Variants in ZNF730 observed in about 807,000 individuals in gnomAD.
ZNF730 encodes zinc finger protein 730.
ZNF730 carries 12 observed loss-of-function variants against 12.6 expected under a neutral mutation model. That is an observed-to-expected ratio of 0.95 (90% confidence interval 0.61 to 1.54). ZNF730 has a LOEUF of 1.54. Among genes scored for constraint, ZNF730 ranks in the 40% most tolerant of loss-of-function variants. The pLI is 0.00. For synonymous variants in ZNF730, 194 were observed against 195.8 expected, an observed-to-expected ratio of 0.99 and a Z score of 0.08; for missense variants, 643 against 583.5, an observed-to-expected ratio of 1.10 and a Z score of -1.05.
At chr19:23,132,466 T>A (rs184891833) in intron 1 of ZNF730, among the ~76,000 whole-genome samples, 3 of 152,000 alleles carry the variant, frequency 2.0e-5, no homozygotes, top group Non-Finnish European at 4.4e-5. Flanking sequence ...AAAATTCTTA[T>A]AATAGTCAAG....
At chr19:23,133,125 G>A (rs10412285) in intron 1 of ZNF730, among the ~76,000 whole-genome samples, 45,651 of 152,028 alleles carry the variant, frequency 0.3, 7,710 homozygotes, top group African/African-American at 0.46. Context: ...TGCAGCTGAT[G>A]TGCAGAAACC....
chr19:23,139,458 A>G (rs971338356), intron 3 of ZNF730, among the ~76,000 whole-genome samples: 1 of 152,176 alleles, frequency 6.6e-6, no homozygotes, highest in Non-Finnish European at 1.5e-5. Flanking sequence ...GATTCAAAAT[A>G]CCTTTCCTCC....
intron 3 of ZNF730, among the ~76,000 whole-genome samples, chr19:23,139,805 G>A (rs190232362): frequency 1.5e-4 from 23 of 152,204 alleles, no homozygotes; most frequent in South Asian, 2.1e-4. Context: ...GATTACAGAC[G>A]TGAGCCACTG....
chr19:23,079,307 G>A (rs1364331598), intron 1 of ZNF730, among the ~76,000 whole-genome samples: 3 of 151,968 alleles, frequency 2.0e-5, no homozygotes, highest in Non-Finnish European at 4.4e-5. Context: ...ACAGGCATGC[G>A]CCACCACGCC....
intron 1 of ZNF730, chr19:23,127,963 C>A: frequency 1.4e-6 from 1 of 724,600 alleles, no homozygotes; most frequent in South Asian, 1.4e-5. Flanking sequence ...TACTGGCCTG[C>A]TGCTGGCCTG....
chr19:23,116,325 T>TTTTCTTTTCTTTTCTTTTCTTTTC (rs755848287), upstream of ZNF730, among the ~76,000 whole-genome samples: 34 of 21,316 alleles, frequency 1.6e-3, no homozygotes, highest in African/African-American at 2.8e-3. Context: ...TTTTCTTTTC[T>TTTTCTTTTCTTTTCTTTTCTTTTC]TTCTTTCTTT....
chr19:23,136,413 TA>T lies in ZNF730; in HGVS notation c.226+371del, dbSNP rs1404054507. ...TTGAACTATTTTTATTTTATTTATT[TA>T]TTTTTTTTGAGACGGAGTCTTGCAC... On this transcript the variant is annotated intron_variant, in intron 3 of 3. Transcript: ENST00000597761. Among the ~76,000 whole-genome samples the T allele has an allele frequency of 3.9e-5, 6 of 152,130 alleles. No individual in the cohort carries two copies. In the East Asian group the frequency reaches 1.2e-3, roughly 29 times the overall value.
intron 1 of ZNF730, among the ~76,000 whole-genome samples, chr19:23,122,808 TG>T (rs1438011999): frequency 6.6e-6 from 1 of 152,156 alleles, no homozygotes; most frequent in African/African-American, 2.4e-5. Context: ...ATTTTAATAT[TG>T]TTATTTATAC....
chr19:23,127,720 A>C, intron 1 of ZNF730: 1 of 1,215,380 alleles, frequency 8.2e-7, no homozygotes, highest in South Asian at 1.2e-5. Flanking sequence ...CACTTTGAAG[A>C]TCTACATTTA....
chr19:23,102,748 A>G (rs974506295), intron 1 of ZNF730, among the ~76,000 whole-genome samples: 2 of 152,072 alleles, frequency 1.3e-5, no homozygotes, highest in Non-Finnish European at 2.9e-5. Context: ...TGCCTGCCTC[A>G]GCCTCGCAAA....
chr19:23,143,260 A>G (rs1225117500), intron 3 of ZNF730, among the ~76,000 whole-genome samples: 3 of 152,240 alleles, frequency 2.0e-5, no homozygotes, highest in Non-Finnish European at 4.4e-5. Context: ...AGAAAAAAAA[A>G]AACAATATAT....
intron 1 of ZNF730, among the ~76,000 whole-genome samples, chr19:23,126,331 G>A (rs182899812): frequency 1.3e-5 from 2 of 152,276 alleles, no homozygotes; most frequent in African/African-American, 4.8e-5. Context: ...GGACTTCTGA[G>A]TATGATGAGT....
intron 1 of ZNF730, among the ~76,000 whole-genome samples, chr19:23,085,351 T>A (rs1970039969): frequency 8.6e-6 from 1 of 116,366 alleles, no homozygotes; most frequent in African/African-American, 4.7e-5. Context: ...TTTACCCATC[T>A]TTTTTTGCTT....
chr19:23,105,771 A>G (rs1212270210), intron 1 of ZNF730, among the ~76,000 whole-genome samples: 5 of 152,208 alleles, frequency 3.3e-5, no homozygotes, highest in African/African-American at 7.2e-5. Context: ...TTTATTTTCA[A>G]TTGCAAAAAG....
upstream of ZNF730, among the ~76,000 whole-genome samples, chr19:23,114,308 T>C (rs1296092508): frequency 1.6e-5 from 1 of 63,314 alleles, no homozygotes; most frequent in Non-Finnish European, 4.6e-5. Flanking sequence ...TTCTTTTCTT[T>C]TTTTTTTTTT....
intron 1 of ZNF730, among the ~76,000 whole-genome samples, chr19:23,092,716 G>C (rs1970177735): frequency 6.6e-6 from 1 of 151,988 alleles, no homozygotes. Flanking sequence ...AGCCACCACA[G>C]CTGGCCTGAA....
chr19:23,114,298 TTCTTTTC>T, upstream of ZNF730, among the ~76,000 whole-genome samples: 1 of 11,932 alleles, frequency 8.4e-5, no homozygotes, highest in Non-Finnish European at 2.9e-4. Context: ...GTTTTTCTTT[TTCTTTTC>T]TTTTTTTTTT....
upstream of ZNF730, among the ~76,000 whole-genome samples, chr19:23,115,007 T>C (rs1253921060): frequency 3.3e-5 from 5 of 152,210 alleles, no homozygotes; most frequent in Admixed American, 3.3e-4. Context: ...TTTGAACTGC[T>C]GAGCTCAAGT....
Position 23,117,084 on chromosome 19 carries a change from G to C in ZNF730, c.-90G>C. ...TTCGTCTGTCTGCTTTGTGTCCTCT[G>C]CACGTAGAAGCCCAGCCTGTGTGGC... On this transcript the variant is annotated 5_prime_UTR_variant, in exon 1 of 4. Coordinates refer to ENST00000597761, the MANE Select transcript of ZNF730 (RefSeq NM_001277403.2). 6.2e-7 allele frequency: 1 copy of C among 1,601,284 alleles called. No homozygotes were observed. The highest frequency in any genetic ancestry group is 1.3e-5 in the African/African-American group (1 of 74,704).
Sources: gnomAD v4.1 joint callset for allele counts (sites outside exome capture counted in the v4.1 genomes callset) on GRCh38, gnomAD v4.1.1 for gene constraint, MANE v1.5 for transcripts, NCBI Gene and HGNC (gene_info 2026-07-23, HGNC 2026-07-21) for gene names.